Variants in CCSER1 observed in about 807,000 individuals in gnomAD.
CCSER1 encodes serine-rich coiled-coil domain-containing protein 1.
CCSER1 carries 41 observed loss-of-function variants against 82.0 expected under a neutral mutation model. The observed-to-expected ratio is 0.50, with a 90% confidence interval of 0.39 to 0.65. The LOEUF is 0.65. CCSER1 is among the 30% of genes least tolerant of loss of function. The pLI, the probability that CCSER1 is intolerant of heterozygous loss-of-function variation, is 0.00. For missense variants in CCSER1, 1,119 were observed against 1,064.2 expected, an observed-to-expected ratio of 1.05 and a Z score of -0.72; for synonymous variants, 414 against 383.9, an observed-to-expected ratio of 1.08 and a Z score of -0.92.
chr4:90,809,643 C>T (rs779795502), intron 7 of CCSER1, among the ~76,000 whole-genome samples: 23 of 151,874 alleles, frequency 1.5e-4, no homozygotes, highest in Non-Finnish European at 2.5e-4. Flanking sequence ...TACAATTCAT[C>T]CATGTAACCA....
intron 10 of CCSER1, among the ~76,000 whole-genome samples, chr4:91,337,661 T>A (rs1427915497): frequency 6.6e-6 from 1 of 152,132 alleles, no homozygotes; most frequent in African/African-American, 2.4e-5. Context: ...TCTAGCCAAG[T>A]GAACATGGAT....
chr4:91,523,789 A>T (rs184868948), intron 10 of CCSER1, among the ~76,000 whole-genome samples: 11 of 152,088 alleles, frequency 7.2e-5, no homozygotes, highest in Admixed American at 7.2e-4. Flanking sequence ...TCTTGCTAGC[A>T]GTCTATCAAT....
intron 5 of CCSER1, among the ~76,000 whole-genome samples, chr4:90,500,988 A>G (rs1044541428): frequency 4.6e-5 from 7 of 152,206 alleles, no homozygotes; most frequent in East Asian, 1.9e-4. Context: ...GGCTCTATAT[A>G]TTCTATATAA....
At chr4:90,865,893 C>T (rs767430597) in intron 8 of CCSER1, among the ~76,000 whole-genome samples, 2 of 151,996 alleles carry the variant, frequency 1.3e-5, no homozygotes, top group Non-Finnish European at 2.9e-5. Flanking sequence ...ACAGGCTGTA[C>T]AGGAAGCATG....
intron 7 of CCSER1, chr4:90,781,434 C>T: frequency 1.0e-6 from 1 of 985,236 alleles, no homozygotes; most frequent in Non-Finnish European, 1.2e-6. Flanking sequence ...TAACTCATGG[C>T]ATTTCTTTAA....
At chr4:90,777,387 G>A (rs986945732) in intron 7 of CCSER1, among the ~76,000 whole-genome samples, 46 of 146,878 alleles carry the variant, frequency 3.1e-4, no homozygotes, top group African/African-American at 1.2e-3. Context: ...GCCTGTAAGC[G>A]TAACTTATTG....
At chr4:90,213,395 T>C (rs1740399099) in intron 1 of CCSER1, among the ~76,000 whole-genome samples, 1 of 152,142 alleles carries the variant, frequency 6.6e-6, no homozygotes, top group African/African-American at 2.4e-5. Context: ...CTATTGGACA[T>C]CTAAGTGAAA....
At chr4:90,635,915 G>T (rs977796635) in intron 6 of CCSER1, among the ~76,000 whole-genome samples, 1 of 151,318 alleles carries the variant, frequency 6.6e-6, no homozygotes, top group African/African-American at 2.4e-5. Context: ...CAATAAAAAA[G>T]GTAGCTAATA....
intron 3 of CCSER1, among the ~76,000 whole-genome samples, chr4:90,359,259 A>T (rs1389533361): frequency 6.6e-6 from 1 of 152,204 alleles, no homozygotes; most frequent in Non-Finnish European, 1.5e-5. Context: ...AGCAATTTAA[A>T]TAAAAATAGT....
chr4:90,605,002 C>G (rs979047877), intron 5 of CCSER1, among the ~76,000 whole-genome samples: 6 of 107,382 alleles, frequency 5.6e-5, no homozygotes, highest in South Asian at 5.5e-4. Flanking sequence ...GAGTGAGCTC[C>G]GCTTCCACGT....
chr4:91,535,418 A>C (rs28690898), intron 10 of CCSER1, among the ~76,000 whole-genome samples: 1 of 151,798 alleles, frequency 6.6e-6, no homozygotes, highest in South Asian at 2.1e-4. Flanking sequence ...TTATTTTGGA[A>C]GGTGAGAATG....
intron 5 of CCSER1, among the ~76,000 whole-genome samples, chr4:90,506,238 A>C (rs767070595): frequency 6.6e-6 from 1 of 152,058 alleles, no homozygotes; most frequent in South Asian, 2.1e-4. Context: ...GATTATTAAA[A>C]TTTTTTTTCA....
intron 9 of CCSER1, among the ~76,000 whole-genome samples, chr4:90,925,078 C>T (rs1728888486): frequency 6.6e-6 from 1 of 152,086 alleles, no homozygotes; most frequent in South Asian, 2.1e-4. Context: ...GATATAAACC[C>T]AATATGTGTT....
At chr4:90,635,300 A>T (rs1725221180) in intron 6 of CCSER1, among the ~76,000 whole-genome samples, 1 of 151,716 alleles carries the variant, frequency 6.6e-6, no homozygotes, top group South Asian at 2.1e-4. Context: ...GTCAAGACAC[A>T]CTATATACTG....
intron 4 of CCSER1, among the ~76,000 whole-genome samples, chr4:90,435,943 A>G (rs1578453314): frequency 6.6e-6 from 1 of 152,184 alleles, no homozygotes; most frequent in Admixed American, 6.5e-5. Flanking sequence ...CACAAGGGCT[A>G]TTTTAATTTT....
chr4:91,439,010 G>A (rs1341570985), intron 10 of CCSER1, among the ~76,000 whole-genome samples: 3 of 152,206 alleles, frequency 2.0e-5, no homozygotes, highest in African/African-American at 7.2e-5. Flanking sequence ...TCTCATTGGT[G>A]TACCTGAAAG....
chr4:90,474,177 A>G (rs756167248), intron 5 of CCSER1, among the ~76,000 whole-genome samples: 12 of 151,746 alleles, frequency 7.9e-5, no homozygotes, highest in Non-Finnish European at 1.5e-4. Context: ...AGCTGTGGCT[A>G]TAATGTAGAT....
chr4:90,300,967 AGGT>A (rs1354988527), intron 1 of CCSER1, among the ~76,000 whole-genome samples: 2 of 152,056 alleles, frequency 1.3e-5, no homozygotes, highest in African/African-American at 4.8e-5. Context: ...CTGGGACAAC[AGGT>A]GTGTGCCACC....
At chr4:90,769,482 C>A (rs937061484) in intron 7 of CCSER1, among the ~76,000 whole-genome samples, 30 of 152,142 alleles carry the variant, frequency 2.0e-4, no homozygotes, top group African/African-American at 7.2e-4. Flanking sequence ...TATACAAAGT[C>A]TTTTGACCTT....
Sources: gnomAD v4.1 joint callset for allele counts (sites outside exome capture counted in the v4.1 genomes callset) on GRCh38, gnomAD v4.1.1 for gene constraint, MANE v1.5 for transcripts, NCBI Gene and HGNC (gene_info 2026-07-23, HGNC 2026-07-21) for gene names.